JUP: variants seen among roughly 807,000 people sequenced by gnomAD.
The protein encoded by JUP is catenin (cadherin-associated protein), gamma 80kDa.
JUP carries 28 observed loss-of-function variants against 71.1 expected under a neutral mutation model. The observed-to-expected ratio is 0.39, with a 90% CI of 0.29 to 0.54. The LOEUF is 0.54. JUP is among the 20% of genes least tolerant of loss of function. The probability of loss-of-function intolerance (pLI) is 0.62; values close to 1 mark genes in which losing one functional copy is unlikely to be tolerated. For missense variants in JUP, 869 were observed against 1,030.1 expected, an observed-to-expected ratio of 0.84 and a Z score of 2.14; for synonymous variants, 401 against 438.9, an observed-to-expected ratio of 0.91 and a Z score of 1.08.
rs1268184517 is a variant in JUP, at chr17:41,784,222, G to A, written c.-9+2366C>T. ...TGGCAGCCCTAGCCCGACCTTTTTCGTTCCTATGCACTGCATTCTCAAAGC... is the reference window on the plus strand; with the variant it reads ...TGGCAGCCCTAGCCCGACCTTTTTCATTCCTATGCACTGCATTCTCAAAGC... On this transcript the variant is annotated intron_variant, in intron 1 of 13. Transcript: ENST00000393931. Among the ~76,000 whole-genome samples the A allele has an allele frequency of 5.9e-5, 9 of 151,780 alleles. No individual in the cohort carries two copies. In the South Asian group the frequency reaches 8.3e-4, roughly 14 times the overall value.
At chr17:41,765,811 G>C (rs1176069128) in intron 5 of JUP, among the ~76,000 whole-genome samples, 6 of 152,216 alleles carry the variant, frequency 3.9e-5, no homozygotes, top group African/African-American at 1.4e-4. Flanking sequence ...GGCCATTTGG[G>C]GAAAAGCCTA....
intron 1 of JUP, chr17:41,772,128 G>A (rs1916758801): frequency 5.4e-6 from 3 of 557,046 alleles, no homozygotes; most frequent in South Asian, 3.8e-5. Context: ...ACCTCCCAGG[G>A]GGATGAGCCC....
At chr17:41,782,966 G>A (rs1245949190) in intron 1 of JUP, among the ~76,000 whole-genome samples, 1 of 151,946 alleles carries the variant, frequency 6.6e-6, no homozygotes, top group African/African-American at 2.4e-5. Context: ...GTGTGGTGGT[G>A]CATGCCTGTA....
intron 1 of JUP, chr17:41,773,085 G>A: frequency 1.3e-6 from 1 of 786,280 alleles, no homozygotes; most frequent in South Asian, 5.7e-5. Flanking sequence ...CTGGGACTGG[G>A]ACCAGGTGTG....
At chr17:41,775,296 G>A (rs1280184435) in intron 1 of JUP, among the ~76,000 whole-genome samples, 1 of 152,112 alleles carries the variant, frequency 6.6e-6, no homozygotes, top group Non-Finnish European at 1.5e-5. Flanking sequence ...TTCAGAGAGA[G>A]GACACACTCC....
At chr17:41,762,176 A>T (rs12937597) in intron 8 of JUP, among the ~76,000 whole-genome samples, 10,791 of 44,660 alleles carry the variant, frequency 0.24, 1,058 homozygotes, top group East Asian at 0.33. Context: ...AGAGAGAGAG[A>T]GTGTGTGTGT....
At chr17:41,764,163 A>G (rs1448331674) in intron 7 of JUP, among the ~76,000 whole-genome samples, 2 of 152,238 alleles carry the variant, frequency 1.3e-5, no homozygotes, top group South Asian at 4.1e-4. Context: ...CTGGAGCTGC[A>G]TTTTTCCTTA....
At chr17:41,770,297 C>T (rs1388238359) in intron 2 of JUP, among the ~76,000 whole-genome samples, 1 of 152,140 alleles carries the variant, frequency 6.6e-6, no homozygotes, top group African/African-American at 2.4e-5. Flanking sequence ...GCTGGGTCCT[C>T]AGCTGAGACG....
At chr17:41,783,046 G>A (rs1242665048) in intron 1 of JUP, among the ~76,000 whole-genome samples, 2 of 150,792 alleles carry the variant, frequency 1.3e-5, no homozygotes, top group African/African-American at 2.5e-5. Context: ...ACAGTGAGCC[G>A]AGATCGCGCC....
intron 6 of JUP, 33 bp downstream of exon 6, chr17:41,764,890 C>T: frequency 1.2e-6 from 2 of 1,614,038 alleles, no homozygotes; most frequent in South Asian, 2.2e-5. Flanking sequence ...GCAGAGCTCC[C>T]ACCCCAGCCG....
chr17:41,762,170 A>T (rs1178003421), intron 8 of JUP, among the ~76,000 whole-genome samples: 3,115 of 44,838 alleles, frequency 0.069, 59 homozygotes, highest in African/African-American at 0.12. Context: ...AGAGAGAGAG[A>T]GAGAGAGTGT....
chr17:41,756,787 T>C (rs1448354601), intron 12 of JUP, among the ~76,000 whole-genome samples: 10 of 147,902 alleles, frequency 6.8e-5, no homozygotes, highest in Admixed American at 6.1e-4. Flanking sequence ...GTAGTCCCAG[T>C]TACTCAGAAG....
At chr17:41,778,896 G>C (rs1233860094) in intron 1 of JUP, among the ~76,000 whole-genome samples, 1 of 149,442 alleles carries the variant, frequency 6.7e-6, no homozygotes, top group South Asian at 2.1e-4. Context: ...GGGTGACAGA[G>C]CGAGACTCCG....
At chr17:41,783,851 G>A (rs576410642) in intron 1 of JUP, among the ~76,000 whole-genome samples, 6 of 146,846 alleles carry the variant, frequency 4.1e-5, no homozygotes, top group East Asian at 4.0e-4. Context: ...CCCAGGAGGC[G>A]GAGGTTGCAG....
At chr17:41,782,595 TCCC>T (rs1324319466) in intron 1 of JUP, among the ~76,000 whole-genome samples, 2 of 150,206 alleles carry the variant, frequency 1.3e-5, no homozygotes. Flanking sequence ...CCTCTCAACC[TCCC>T]CCCAACACTC....
rs369486398 is a variant in JUP, at chr17:41,763,086, C to T, written c.1394G>A (p.Arg465His). Reference sequence around the variant, plus strand: ...CTGGGCCATCTCGGCCTCAGGGTGGCGGCTAGTGAGGTGGCGCAGAGCGCA... The same window carrying T: ...CTGGGCCATCTCGGCCTCAGGGTGGTGGCTAGTGAGGTGGCGCAGAGCGCA... ...AVCALRHLTSRHPEAEMAQNS... is the reference protein window; with the variant it reads ...AVCALRHLTSHHPEAEMAQNS... The change falls in exon 8 of 14, where the codon CGC becomes CAC. Residue 465 changes from arginine to histidine, a missense_variant. Arg to His is a conservative substitution (Grantham distance 29). Coordinates refer to ENST00000393931, the MANE Select transcript of JUP (RefSeq NM_002230.4). 16 of 1,613,840 alleles carry T rather than the reference C, an allele frequency of 9.9e-6. No individual in the cohort carries two copies. Among genetic ancestry groups the T allele is most frequent in the East Asian group, 2.2e-5 (1 of 44,890 alleles).
At position 41,768,966 on chromosome 17, in the gene JUP, T is replaced by C. The variant is rs1441320338; in HGVS notation, c.707+3A>G. 6.2e-7 allele frequency: 1 copy of C among 1,600,214 alleles called. No homozygotes were observed. On this transcript the variant is annotated splice_donor_region_variant and intron_variant, in intron 4 of 13. Transcript: ENST00000393931. ...GGCTCATGCAGTGAGCAGGGTTGGG[T>C]ACCTGAGCATGCGGACCAGAGCAGG... is the stretch of plus-strand genomic sequence containing the variant.
chr17:41,762,176 A>AGTGTGTGTGTGTGTGT (rs137970272), intron 8 of JUP, among the ~76,000 whole-genome samples: 2 of 44,800 alleles, frequency 4.5e-5, no homozygotes, highest in African/African-American at 2.1e-4. Flanking sequence ...AGAGAGAGAG[A>AGTGTGTGTGTGTGTGT]GTGTGTGTGT....
chr17:41,758,939 C>A, intron 8 of JUP, 69 bp from the exon 9 acceptor site: 1 of 1,490,920 alleles, frequency 6.7e-7, no homozygotes, highest in Non-Finnish European at 9.0e-7. Flanking sequence ...TTCCCAGCTT[C>A]AAGTATCCCT....
Sources: gnomAD v4.1 joint callset for allele counts (sites outside exome capture counted in the v4.1 genomes callset) on GRCh38, gnomAD v4.1.1 for gene constraint, MANE v1.5 for transcripts, NCBI Gene and HGNC (gene_info 2026-07-23, HGNC 2026-07-21) for gene names.